The following KHDRBS2 variants were observed in gnomAD, a reference collection of about 807,000 sequenced individuals.
KHDRBS2 encodes the protein KH RNA binding domain containing, signal transduction associated 2.
A neutral mutation model predicts 44.3 loss-of-function variants in KHDRBS2; 26 were observed. The observed-to-expected ratio is 0.59, with a 90% CI of 0.43 to 0.81. The LOEUF is 0.81. Among genes scored for constraint, KHDRBS2 ranks in the 40% least tolerant of loss-of-function variants. The probability of loss-of-function intolerance (pLI) is 0.00; values close to 1 mark genes in which losing one functional copy is unlikely to be tolerated. For missense variants in KHDRBS2, 476 were observed against 433.1 expected (o/e 1.10, Z -0.88); for synonymous variants, 194 against 151.1 (o/e 1.28, Z -2.08).
At chr6:62,056,608 T>C (rs1314891794) in intron 2 of KHDRBS2, among the ~76,000 whole-genome samples, 1 of 152,038 alleles carries the variant, frequency 6.6e-6, no homozygotes, top group Admixed American at 6.6e-5. Context: ...ATGTTGGATG[T>C]ATTAAATATT....
chr6:61,922,430 C>T (rs1312428447), intron 4 of KHDRBS2, among the ~76,000 whole-genome samples: 1 of 151,920 alleles, frequency 6.6e-6, no homozygotes, highest in African/African-American at 2.4e-5. Flanking sequence ...GATTAGACTT[C>T]CAGAAAGAAC....
intron 2 of KHDRBS2, among the ~76,000 whole-genome samples, chr6:62,131,927 A>G (rs1810425880): frequency 6.6e-6 from 1 of 152,220 alleles, no homozygotes; most frequent in South Asian, 2.1e-4. Context: ...CAATATAAAT[A>G]ACATCTGTTC....
At chr6:62,281,343 C>T (rs879342667) in intron 1 of KHDRBS2, among the ~76,000 whole-genome samples, 21 of 152,012 alleles carry the variant, frequency 1.4e-4, no homozygotes, top group South Asian at 2.1e-4. Flanking sequence ...AATTATTGGC[C>T]GGGCACAGTG....
intron 6 of KHDRBS2, among the ~76,000 whole-genome samples, chr6:61,793,489 G>C (rs1784903379): frequency 6.6e-6 from 1 of 151,894 alleles, no homozygotes; most frequent in Admixed American, 6.6e-5. Context: ...ATCAACTTAG[G>C]TAAACTAGTT....
the KHDRBS2 span, among the ~76,000 whole-genome samples, chr6:61,611,630 A>G: frequency 1.3e-5 from 2 of 152,188 alleles, no homozygotes; most frequent in Non-Finnish European, 2.9e-5. Context: ...AGTCCTATAT[A>G]CAATCATTTG....
At chr6:62,284,165 T>C (rs1474450368) in intron 1 of KHDRBS2, among the ~76,000 whole-genome samples, 2 of 152,178 alleles carry the variant, frequency 1.3e-5, no homozygotes, top group Non-Finnish European at 2.9e-5. Context: ...TTATGCACTC[T>C]GTTAAGAGTT....
chr6:61,698,236 T>G (rs980185520), intron 7 of KHDRBS2, among the ~76,000 whole-genome samples: 4 of 152,166 alleles, frequency 2.6e-5, no homozygotes, highest in African/African-American at 9.6e-5. Context: ...GGTCTTCAAG[T>G]GCACTTCATT....
At position 61,954,836 on chromosome 6, in the gene KHDRBS2, G is replaced by GTGTA. The variant is rs1445904774; in HGVS notation, c.483+23229_483+23230insTACA. On this transcript the variant is annotated intron_variant, in intron 4 of 8. Transcript: ENST00000281156. ...CGCATGTGTATATACACATGCATAT[G>GTGTA]TATGTATACATATGCATGTGTATAT... Among the ~76,000 whole-genome samples the GTGTA allele has an allele frequency of 5.3e-4, 16 of 30,082 alleles. 2 individuals are homozygous for GTGTA. Among genetic ancestry groups the GTGTA allele is most frequent in the African/African-American group, 1.7e-3 (15 of 8,628 alleles). 19.7% of individuals were successfully genotyped at this position (30,082 alleles called of 152,430 possible). A position where few individuals can be genotyped will look rare whatever the true frequency, so the allele number is the denominator to read the frequency against.
chr6:61,854,694 T>A (rs1257560484), intron 6 of KHDRBS2, among the ~76,000 whole-genome samples: 2 of 152,152 alleles, frequency 1.3e-5, no homozygotes, highest in Non-Finnish European at 2.9e-5. Flanking sequence ...ACACCAAAGT[T>A]ATTTACAGAA....
At chr6:61,919,691 T>C (rs1370056554) in intron 4 of KHDRBS2, among the ~76,000 whole-genome samples, 1 of 151,848 alleles carries the variant, frequency 6.6e-6, no homozygotes, top group Non-Finnish European at 1.5e-5. Flanking sequence ...CCATGTTCAC[T>C]GTGATGTAAA....
chr6:61,838,036 A>ATGCCAAAGTCCTTAGCTG, intron 6 of KHDRBS2, among the ~76,000 whole-genome samples: 1 of 152,062 alleles, frequency 6.6e-6, no homozygotes, highest in Non-Finnish European at 1.5e-5. Context: ...CTTCAGGACT[A>ATGCCAAAGTCCTTAGCTG]ATAAAATAGA....
the KHDRBS2 span, among the ~76,000 whole-genome samples, chr6:61,566,047 G>T: frequency 6.6e-6 from 1 of 151,518 alleles, no homozygotes; most frequent in Admixed American, 6.6e-5. Flanking sequence ...GTATGCAATG[G>T]AATATTATGC....
chr6:62,103,576 A>C, intron 2 of KHDRBS2, among the ~76,000 whole-genome samples: 1 of 119,634 alleles, frequency 8.4e-6, no homozygotes, highest in Admixed American at 1.1e-4. Flanking sequence ...GAGCACCAGG[A>C]TGTCTGGTCT....
chr6:61,597,767 T>TATATATATATATAA, the KHDRBS2 span, among the ~76,000 whole-genome samples: 1 of 25,438 alleles, frequency 3.9e-5, no homozygotes. Flanking sequence ...TACATATATA[T>TATATATATATATAA]ATATATACAC....
At chr6:61,939,304 G>GT (rs1270361556) in intron 4 of KHDRBS2, among the ~76,000 whole-genome samples, 1 of 152,178 alleles carries the variant, frequency 6.6e-6, no homozygotes, top group Non-Finnish European at 1.5e-5. Flanking sequence ...ACAATCCACT[G>GT]TAACCTGCTC....
At chr6:62,223,280 T>C (rs1831199780) in intron 1 of KHDRBS2, among the ~76,000 whole-genome samples, 1 of 152,214 alleles carries the variant, frequency 6.6e-6, no homozygotes, top group Admixed American at 6.5e-5. Context: ...CTTCTGAAGC[T>C]ATGGTGCGAG....
chr6:61,751,340 T>A (rs1387462439), intron 6 of KHDRBS2, among the ~76,000 whole-genome samples: 1 of 152,226 alleles, frequency 6.6e-6, no homozygotes, highest in Non-Finnish European at 1.5e-5. Flanking sequence ...CAGGGGCTAC[T>A]GATAATCTGC....
intron 8 of KHDRBS2, among the ~76,000 whole-genome samples, 154 bp from the exon 9 acceptor site, chr6:61,681,214 A>T (rs1169951921): frequency 1.3e-5 from 2 of 152,076 alleles, no homozygotes; most frequent in East Asian, 3.9e-4. Context: ...ACCATCAAAA[A>T]AGTGTGTGTA....
At chr6:62,169,078 A>AATATATACACATTTATATTT (rs1478540635) in intron 2 of KHDRBS2, among the ~76,000 whole-genome samples, 26 of 80,148 alleles carry the variant, frequency 3.2e-4, no homozygotes, top group Non-Finnish European at 6.1e-4. Flanking sequence ...CATGAATATA[A>AATATATACACATTTATATTT]ATATATACAC....
Sources: allele counts gnomAD v4.1 joint callset (sites outside exome capture counted in the v4.1 genomes callset), GRCh38; gene constraint gnomAD v4.1.1; transcripts MANE v1.5; gene names NCBI Gene and HGNC (gene_info 2026-07-23, HGNC 2026-07-21).